Variants in FBN2 observed in about 807,000 individuals in gnomAD.
FBN2 encodes fibrillin 2.
In FBN2, 105 loss-of-function variants were observed where a neutral mutation model predicts 355.6. The ratio of observed to expected loss-of-function variants is 0.30; its 90% CI spans 0.25 to 0.35. FBN2 has a LOEUF of 0.35. Ranked by LOEUF, FBN2 falls within the 10% of genes least tolerant of loss-of-function variation. The pLI is 1.00. For missense variants in FBN2, 3,280 were observed against 3,758.7 expected, an observed-to-expected ratio of 0.87 and a Z score of 3.33; for synonymous variants, 1,350 against 1,301.2, an observed-to-expected ratio of 1.04 and a Z score of -0.81.
rs149758384 is a variant in FBN2 at position 128,373,046 on chromosome 5, T to C, written c.2095+1582A>G. Reference sequence around the variant, plus strand: ...ATAATTTTATACACATGAGAAATAATGTTTTTATTTTAAAAAGTTTAAATG... The same window carrying C: ...ATAATTTTATACACATGAGAAATAACGTTTTTATTTTAAAAAGTTTAAATG... On this transcript the variant is annotated intron_variant, in intron 15 of 64. Coordinates refer to ENST00000262464, the MANE Select transcript of FBN2 (RefSeq NM_001999.4). 2.6e-3 allele frequency among the ~76,000 whole-genome samples: 392 copies of C among 152,338 alleles called. 2 individuals carry two copies. The highest frequency in any genetic ancestry group is 3.8e-3 in the Non-Finnish European group (261 of 68,016).
chr5:128,467,446 T>C lies in FBN2; in HGVS notation c.629-2525A>G, dbSNP rs543918820. Reference sequence around the variant, plus strand: ...TCTACTAATTCAAGAATTACTACCATGTAAAATAAGAACAAATACTAGATA... The same window carrying C: ...TCTACTAATTCAAGAATTACTACCACGTAAAATAAGAACAAATACTAGATA... On this transcript the variant is annotated intron_variant, in intron 5 of 64. Coordinates refer to ENST00000262464, the MANE Select transcript of FBN2 (RefSeq NM_001999.4). Among the ~76,000 whole-genome samples, 8 of 152,264 alleles carry C rather than the reference T, an allele frequency of 5.3e-5. No individual in the cohort carries two copies. The South Asian group carries it at 8.3e-4, about 16-fold the overall frequency.
At position 128,318,162 on chromosome 5, in the gene FBN2, A is replaced by G. The variant is rs746224530; in HGVS notation, c.4704T>C (p.Gly1568=). 1 of 1,613,924 alleles carries G rather than the reference A, an allele frequency of 6.2e-7. No individual in the cohort carries two copies. The highest frequency in any genetic ancestry group is 1.1e-5 in the South Asian group (1 of 91,076). Residue 1568 remains glycine (G), a synonymous_variant, in exon 36 of 65, where the codon GGT becomes GGC. Transcript: ENST00000262464. Reference sequence around the variant, plus strand: ...AGCTTTACTTACCAACACAACCCACACCAGTTGGGTTCAACTGAAAATCGG... The same window carrying G: ...AGCTTTACTTACCAACACAACCCACGCCAGTTGGGTTCAACTGAAAATCGG... ...CPPDFQLNPT[G]VGCVDNRVGN...
chr5:128,328,682 TC>T lies in FBN2; in HGVS notation c.4471+13del. The stretch of plus-strand genomic sequence containing the variant: ...GATCCAACTTGAAAATGAGTTGGAA[TC>T]CTGGTGACCCACCTTGGCAGGATCT... On this transcript the variant is annotated intron_variant, in intron 34 of 64. Transcript: ENST00000262464. 1 of 1,614,000 alleles carries T rather than the reference TC, an allele frequency of 6.2e-7. No homozygotes were observed. Among genetic ancestry groups the T allele is most frequent in the Non-Finnish European group, 8.5e-7 (1 of 1,179,978 alleles).
At chr5:128,451,388 A>G (rs1277678003) in intron 6 of FBN2, among the ~76,000 whole-genome samples, 1 of 152,080 alleles carries the variant, frequency 6.6e-6, no homozygotes, top group African/African-American at 2.4e-5. Context: ...CCTCATTATT[A>G]TTATTGTTAT....
At position 128,263,559 on chromosome 5, in the gene FBN2, G is replaced by T. The variant is rs150734807; in HGVS notation, c.8058C>A (p.Phe2686Leu). ...YKCACPSGFS[F>L]DQFSSACHDV... is the part of the protein sequence containing the mutation. ...CGTGGCAGGCACTGGAGAACTGGTC[G>T]AAGGAGAACCCCGAGGGGCAGGCGC... Residue 2686 changes from phenylalanine to leucine, a missense_variant, in exon 63 of 65, where the codon TTC (phenylalanine) becomes TTA (leucine). Physicochemically the swap from Phe to Leu is conservative, Grantham distance 22. Around this residue, in one of 6 missense-constraint regions of FBN2, gnomAD observed 311 missense variants for 319.1 expected, o/e 0.97. Transcript: ENST00000262464. 1.8e-5 allele frequency: 29 copies of T among 1,614,016 alleles called. No homozygotes were observed. The highest frequency in any genetic ancestry group is 1.6e-4 in the Middle Eastern group (1 of 6,084).
At chr5:128,536,294 C>G in intron 2 of FBN2, 108 bp downstream of exon 2, 6 of 824,478 alleles carry the variant, frequency 7.3e-6, no homozygotes, top group South Asian at 4.3e-5. Context: ...GCAATGTGAT[C>G]ACTTGATTTT....
intron 7 of FBN2, among the ~76,000 whole-genome samples, chr5:128,417,667 G>A (rs554241333): frequency 4.6e-5 from 7 of 152,274 alleles, no homozygotes; most frequent in African/African-American, 1.7e-4. Flanking sequence ...ATTTGCATAT[G>A]TTGAACTATC....
chr5:128,501,861 A>G (rs1353319358), intron 5 of FBN2, among the ~76,000 whole-genome samples: 1 of 152,150 alleles, frequency 6.6e-6, no homozygotes, highest in African/African-American at 2.4e-5. Context: ...ATAAAAGATC[A>G]AAAGTCTAAA....
chr5:128,436,081 G>A (rs1209840849), intron 7 of FBN2, among the ~76,000 whole-genome samples: 1 of 152,202 alleles, frequency 6.6e-6, no homozygotes, highest in Non-Finnish European at 1.5e-5. Flanking sequence ...ACACCGTCAA[G>A]GTGCTGTCCA....
intron 45 of FBN2, 80 bp downstream of exon 45, chr5:128,304,877 C>G: frequency 6.4e-7 from 1 of 1,551,340 alleles, no homozygotes; most frequent in Non-Finnish European, 8.9e-7. Flanking sequence ...ATAGTAGTTA[C>G]TCATGGCACT....
In FBN2 at chr5:128,338,037, TG is replaced by T; in HGVS notation, c.3557del (p.Pro1186HisfsTer21). ...NTEGSFQCDC[P>X]LGHELSPSRE... ...GGGATGGTGACAGCTCGTGTCCCAG[TG>T]GGCAGTCACACTGAAAGCTGCCCTC... On this transcript the variant is annotated frameshift_variant, in exon 27 of 65. Coordinates refer to ENST00000262464, the MANE Select transcript of FBN2 (RefSeq NM_001999.4). LOFTEE classifies it high-confidence loss of function. 6.2e-7 allele frequency: 1 copy of T among 1,614,074 alleles called. No homozygotes were observed. Among genetic ancestry groups the T allele is most frequent in the Non-Finnish European group, 8.5e-7 (1 of 1,179,958 alleles).
intron 64 of FBN2, among the ~76,000 whole-genome samples, chr5:128,260,903 A>T (rs1764949189): frequency 6.6e-6 from 1 of 152,194 alleles, no homozygotes; most frequent in South Asian, 2.1e-4. Flanking sequence ...ACGACCTCAT[A>T]CTGTCTCAGA....
chr5:128,259,741 A>C lies in FBN2; in HGVS notation c.8453T>G (p.Ile2818Ser). 1 of 1,613,840 alleles carries C rather than the reference A, an allele frequency of 6.2e-7. No homozygotes were observed. Residue 2818 changes from isoleucine (I) to serine (S), a missense_variant, in exon 65 of 65, where the codon ATC (isoleucine) becomes AGC (serine). This residue lies in a region of FBN2 where 311 missense variants were observed against 319.1 expected (regional missense o/e 0.97). Transcript: ENST00000262464. ...CTGGATGGCGGGCCTTAGTTCCAGG[A>C]TGTGCTCCTTAGAGCCGAGGTGGGA... is the stretch of plus-strand genomic sequence containing the variant. ...NLSHLGSKEH[I>S]LELRPAIQPL...
intron 5 of FBN2, 61 bp downstream of exon 5, chr5:128,519,212 T>G (rs1756364510): frequency 8.5e-7 from 1 of 1,180,460 alleles, no homozygotes; most frequent in East Asian, 2.4e-5. Context: ...TAGCAAAAAA[T>G]TATACATTTT....
rs199587570 is a variant in FBN2, at chr5:128,392,095, C to T, written c.1526G>A (p.Arg509His). The stretch of plus-strand genomic sequence containing the variant: ...GTAGCTTGAGACAGTTGGTATACAG[C>T]GTCCATTTAAACAAAGGTTAGCATG... The part of the protein sequence containing the change: ...KHHANLCLNG[R>H]CIPTVSSYRC... The change falls in exon 11 of 65, where the codon CGC (arginine) becomes CAC (histidine). Residue 509 changes from arginine (R) to histidine (H), a missense_variant. Physicochemically the swap from Arg to His is conservative, Grantham distance 29. Coordinates refer to ENST00000262464, the MANE Select transcript of FBN2 (RefSeq NM_001999.4). 1.1e-5 allele frequency: 18 copies of T among 1,613,246 alleles called. No homozygotes were observed. Among genetic ancestry groups the T allele is most frequent in the African/African-American group, 4.0e-5 (3 of 75,014 alleles).
At chr5:128,486,248 T>C (rs1036881325) in intron 5 of FBN2, among the ~76,000 whole-genome samples, 2 of 152,134 alleles carry the variant, frequency 1.3e-5, no homozygotes, top group Non-Finnish European at 2.9e-5. Context: ...GCCTTAACAT[T>C]AAATGAGAGC....
chr5:128,422,259 T>C (rs1243188154), intron 7 of FBN2, among the ~76,000 whole-genome samples: 1 of 152,078 alleles, frequency 6.6e-6, no homozygotes, highest in Admixed American at 6.6e-5. Context: ...AAAAAGAAAC[T>C]AGTATGTTGA....
chr5:128,523,000 T>C (rs1756476530), intron 4 of FBN2, among the ~76,000 whole-genome samples: 1 of 152,132 alleles, frequency 6.6e-6, no homozygotes. Flanking sequence ...CCTGTGTGGG[T>C]TGGTTGCATA....
intron 8 of FBN2, among the ~76,000 whole-genome samples, chr5:128,397,099 C>T (rs543441845): frequency 4.6e-5 from 7 of 152,096 alleles, no homozygotes; most frequent in Non-Finnish European, 8.8e-5. Context: ...GACCCAAAAC[C>T]GAGCACTAAA....
Sources: gnomAD v4.1 joint callset for allele counts (sites outside exome capture counted in the v4.1 genomes callset) on GRCh38, gnomAD v4.1.1 for gene constraint, gnomAD v4.1.1 regional missense constraint, MANE v1.5 for transcripts, NCBI Gene and HGNC (gene_info 2026-07-23, HGNC 2026-07-21) for gene names.